The following FSTL4 variants were observed in gnomAD, a reference collection of about 807,000 sequenced individuals.
FSTL4 encodes follistatin-related protein 4.
In FSTL4, 28 loss-of-function variants were observed where a neutral mutation model predicts 78.2. The ratio of observed to expected loss-of-function variants is 0.36; its 90% CI spans 0.27 to 0.49. The LOEUF (loss-of-function observed/expected upper bound fraction) is 0.49. FSTL4 is among the 20% of genes least tolerant of loss of function. The probability of loss-of-function intolerance (pLI) is 0.98; values close to 1 mark genes in which losing one functional copy is unlikely to be tolerated. For synonymous variants in FSTL4, 422 were observed against 440.5 expected (o/e 0.96, Z 0.53); for missense variants, 922 against 1,084.9 (o/e 0.85, Z 2.11).
chr5:133,389,416 C>T lies in FSTL4; in HGVS notation c.409+11322G>A, dbSNP rs1268764432. On this transcript the variant is annotated intron_variant, in intron 4 of 15. Transcript: ENST00000265342. ...CATTCATGGCTAAACAGTTGAGAGA[C>T]GCCCTTGAAAATCTGGAGTTCTGCA... Among the ~76,000 whole-genome samples the T allele has an allele frequency of 4.4e-4, 67 of 152,258 alleles. 1 individual carries two copies. The highest frequency in any genetic ancestry group is 1.3e-4 in the Non-Finnish European group (9 of 68,030).
chr5:133,526,038 C>T (rs1306682994), intron 3 of FSTL4, among the ~76,000 whole-genome samples: 3 of 152,162 alleles, frequency 2.0e-5, no homozygotes, highest in Non-Finnish European at 4.4e-5. Context: ...GCACCTCTCA[C>T]GGGACACACA....
intron 3 of FSTL4, among the ~76,000 whole-genome samples, chr5:133,439,087 T>A (rs1043693025): frequency 2.0e-5 from 3 of 152,198 alleles, no homozygotes; most frequent in African/African-American, 7.2e-5. Flanking sequence ...AATGGCCAAG[T>A]GTGTTCCCTA....
the FSTL4 span, among the ~76,000 whole-genome samples, chr5:133,757,088 C>A: frequency 6.6e-6 from 1 of 152,170 alleles, no homozygotes; most frequent in African/African-American, 2.4e-5. Context: ...TTGCCAGGCC[C>A]CTCCCATTTA....
chr5:133,708,802 T>C, the FSTL4 span, among the ~76,000 whole-genome samples: 2 of 152,218 alleles, frequency 1.3e-5, no homozygotes, highest in African/African-American at 2.4e-5. Flanking sequence ...GGCTATTGCC[T>C]TGGTCTAGGT....
intron 4 of FSTL4, among the ~76,000 whole-genome samples, chr5:133,349,295 C>CTCTCTCTGTG (rs11269337): frequency 1.3e-4 from 18 of 139,682 alleles, no homozygotes; most frequent in African/African-American, 4.0e-4. Context: ...GCCTCTCTCT[C>CTCTCTCTGTG]TGTGTGTGTG....
intron 2 of FSTL4, among the ~76,000 whole-genome samples, chr5:133,597,427 G>A (rs1760762155): frequency 6.6e-6 from 1 of 152,206 alleles, no homozygotes; most frequent in Non-Finnish European, 1.5e-5. Context: ...ACAATGCACA[G>A]CCTGATGTCT....
At chr5:133,579,136 C>A (rs1252005675) in intron 2 of FSTL4, among the ~76,000 whole-genome samples, 1 of 152,202 alleles carries the variant, frequency 6.6e-6, no homozygotes, top group Non-Finnish European at 1.5e-5. Flanking sequence ...AAGCAATGGT[C>A]ATACTGGACT....
intron 3 of FSTL4, among the ~76,000 whole-genome samples, chr5:133,442,069 G>A (rs1279569580): frequency 6.6e-6 from 1 of 152,224 alleles, no homozygotes; most frequent in East Asian, 1.9e-4. Context: ...TCTCAGACAT[G>A]CAGGTCAGAG....
chr5:133,432,158 T>A (rs920639555), intron 3 of FSTL4, among the ~76,000 whole-genome samples: 6 of 151,946 alleles, frequency 3.9e-5, no homozygotes, highest in Non-Finnish European at 8.8e-5. Context: ...TCATTATCTT[T>A]AAAAAAAATA....
chr5:133,612,907 G>A (rs1361370335), upstream of FSTL4, among the ~76,000 whole-genome samples: 1 of 152,226 alleles, frequency 6.6e-6, no homozygotes, highest in South Asian at 2.1e-4. This position sits in a 1 kb window ranked among gnomAD's most constrained non-coding sequence, Gnocchi z 6.2. Context: ...GTCCAGGCGG[G>A]CCGGTACACC....
chr5:133,487,779 T>C (rs373424040), intron 3 of FSTL4, among the ~76,000 whole-genome samples: 9 of 152,162 alleles, frequency 5.9e-5, no homozygotes, highest in African/African-American at 1.9e-4. Flanking sequence ...TGAGCTCATT[T>C]CCAGCCCTCC....
At chr5:133,434,016 G>C (rs1423341053) in intron 3 of FSTL4, among the ~76,000 whole-genome samples, 1 of 152,098 alleles carries the variant, frequency 6.6e-6, no homozygotes, top group African/African-American at 2.4e-5. Flanking sequence ...GTTTTAAGCA[G>C]AAGGTAATAC....
At chr5:133,635,075 TA>T in the FSTL4 span, among the ~76,000 whole-genome samples, 42,630 of 148,238 alleles carry the variant, frequency 0.29, 6,249 homozygotes, top group Non-Finnish European at 0.32. Flanking sequence ...TTTTATTCTT[TA>T]AAAAAAAAAA....
chr5:133,714,378 G>C, the FSTL4 span, among the ~76,000 whole-genome samples: 1 of 152,086 alleles, frequency 6.6e-6, no homozygotes, highest in Non-Finnish European at 1.5e-5. Flanking sequence ...TCAAATGCAC[G>C]CCTGGACAGT....
At position 133,437,679 on chromosome 5, in the gene FSTL4, C is replaced by T. The variant is rs372663333; in HGVS notation, c.161-36693G>A. Reference sequence around the variant, plus strand: ...TAATTTTTTGTATTTTTAGTAGAGACGGGGTTTCGCCATATTGGCCAGGCT... The same window carrying T: ...TAATTTTTTGTATTTTTAGTAGAGATGGGGTTTCGCCATATTGGCCAGGCT... On this transcript the variant is annotated intron_variant, in intron 3 of 15. Coordinates refer to ENST00000265342, the MANE Select transcript of FSTL4 (RefSeq NM_015082.2). 2.6e-5 allele frequency among the ~76,000 whole-genome samples: 4 copies of T among 151,436 alleles called. No homozygotes were observed. In the South Asian group the frequency reaches 8.3e-4, roughly 31 times the overall value.
chr5:133,355,969 A>G (rs17166633), intron 4 of FSTL4, among the ~76,000 whole-genome samples: 25,055 of 151,918 alleles, frequency 0.16, 2,331 homozygotes, highest in East Asian at 0.37. Context: ...TCGCATGGCT[A>G]GTGTTTTATC....
At chr5:133,601,448 A>T (rs1760866728) in intron 2 of FSTL4, among the ~76,000 whole-genome samples, 1 of 152,204 alleles carries the variant, frequency 6.6e-6, no homozygotes, top group Admixed American at 6.5e-5. Context: ...AGAAGGTTCT[A>T]AAGAAAAAGT....
At chr5:133,806,001 A>T in the FSTL4 span, among the ~76,000 whole-genome samples, 1 of 152,214 alleles carries the variant, frequency 6.6e-6, no homozygotes, top group Non-Finnish European at 1.5e-5. Flanking sequence ...CATGTATGGG[A>T]TACCGCCTAA....
chr5:133,408,109 C>T, intron 3 of FSTL4, among the ~76,000 whole-genome samples: 1 of 152,180 alleles, frequency 6.6e-6, no homozygotes, highest in East Asian at 1.9e-4. Flanking sequence ...CATGTCACTG[C>T]ACAGTCTGGG....
Sources: gnomAD v4.1 joint callset for allele counts (sites outside exome capture counted in the v4.1 genomes callset) on GRCh38, gnomAD v4.1.1 for gene constraint, Gnocchi (gnomAD v3.1) non-coding constraint, MANE v1.5 for transcripts, NCBI Gene and HGNC (gene_info 2026-07-23, HGNC 2026-07-21) for gene names.